Variants in C11orf65 observed in about 807,000 individuals in gnomAD.
C11orf65 encodes protein MFI.
Under a neutral mutation model 35.3 loss-of-function variants are expected in C11orf65, and 38 were observed. The observed-to-expected ratio is 1.08, with a 90% CI of 0.83 to 1.41. The LOEUF (loss-of-function observed/expected upper bound fraction) is 1.41. Among genes scored for constraint, C11orf65 ranks in the 40% most tolerant of loss-of-function variants. The probability of loss-of-function intolerance (pLI) is 0.00; values close to 1 mark genes in which losing one functional copy is unlikely to be tolerated. For synonymous variants in C11orf65, 105 were observed against 114.4 expected (o/e 0.92, Z 0.53); for missense variants, 370 against 367.1 (o/e 1.01, Z -0.06).
intron 6 of C11orf65, among the ~76,000 whole-genome samples, chr11:108,316,801 C>T (rs1341732284): frequency 6.6e-6 from 1 of 150,408 alleles, no homozygotes; most frequent in Non-Finnish European, 1.5e-5. Context: ...TGGCGGGTGC[C>T]TGTAGGCCCA....
At chr11:108,393,760 A>C (rs1459014652) in intron 6 of C11orf65, among the ~76,000 whole-genome samples, 1 of 152,240 alleles carries the variant, frequency 6.6e-6, no homozygotes, top group South Asian at 2.1e-4. Flanking sequence ...TTACAAAATC[A>C]AGAGGCTAAT....
At position 108,326,152 on chromosome 11, in the gene C11orf65, C is replaced by CA. The variant is rs773570504; in HGVS notation, c.641-17082dup. Reference sequence around the variant, plus strand: ...CTGGAAGAAGCACAAGTATTCTGGGCAAAAAAGGAGCAGAGTCTTGCCCTG... The same window carrying CA: ...CTGGAAGAAGCACAAGTATTCTGGGCAAAAAAAGGAGCAGAGTCTTGCCCTG... On this transcript the variant is annotated intron_variant, in intron 6 of 6. Coordinates refer to the C11orf65 transcript ENST00000525729. The CA allele has an allele frequency of 9.3e-6, 15 of 1,613,600 alleles. No homozygotes were observed. The highest frequency in any genetic ancestry group is 1.7e-6 in the Non-Finnish European group (2 of 1,179,910).
chr11:108,453,172 A>T (rs1239365632), intron 2 of C11orf65, among the ~76,000 whole-genome samples: 2 of 151,422 alleles, frequency 1.3e-5, no homozygotes, highest in African/African-American at 4.8e-5. Context: ...AAAGAAAAAA[A>T]AAAGAAAGGG....
At chr11:108,420,923 A>C (rs1289407936) in intron 3 of C11orf65, among the ~76,000 whole-genome samples, 1 of 152,072 alleles carries the variant, frequency 6.6e-6, no homozygotes, top group Non-Finnish European at 1.5e-5. Context: ...CCAAAATTCC[A>C]ATAGACTTTA....
chr11:108,382,062 T>C (rs1176034259), downstream of C11orf65, among the ~76,000 whole-genome samples: 1 of 152,160 alleles, frequency 6.6e-6, no homozygotes, highest in Non-Finnish European at 1.5e-5. Flanking sequence ...AAGTGTACCA[T>C]CTTGGAGGCA....
intron 3 of C11orf65, among the ~76,000 whole-genome samples, chr11:108,425,772 A>G (rs987359645): frequency 2.0e-5 from 3 of 152,218 alleles, no homozygotes; most frequent in Middle Eastern, 6.3e-3. Flanking sequence ...AACCGAATCT[A>G]GCAGCACATC....
Position 108,331,426 on chromosome 11 carries a change from T to C in C11orf65, c.*124A>G, listed in dbSNP as rs1312616858. The C allele has an allele frequency of 6.2e-7, 1 of 1,610,232 alleles. No individual in the cohort carries two copies. The highest frequency in any genetic ancestry group is 1.3e-5 in the African/African-American group (1 of 74,718). ...AAATACCTTGTTTCTTAATTTTGTG[T>C]CTTTTTTTTAATGGTAGAGAGACGG... On this transcript the variant is annotated 3_prime_UTR_variant, in exon 4 of 4. Coordinates refer to the C11orf65 transcript ENST00000524755.
intron 2 of C11orf65, among the ~76,000 whole-genome samples, chr11:108,359,217 A>G (rs1335535825): frequency 1.3e-5 from 2 of 151,728 alleles, no homozygotes; most frequent in Non-Finnish European, 2.9e-5. Context: ...ACATAATGGT[A>G]AAGGGATCAA....
chr11:108,468,755 T>A (rs569168866), upstream of C11orf65, among the ~76,000 whole-genome samples: 58 of 152,220 alleles, frequency 3.8e-4, no homozygotes, highest in Admixed American at 2.5e-3. Context: ...AAAAATATAG[T>A]CATGGAAACA....
In C11orf65 at chr11:108,310,273, A is replaced by T. The variant is rs876660515; in HGVS notation, c.641-1202T>A. The T allele has an allele frequency of 6.2e-7, 1 of 1,613,636 alleles. No individual in the cohort carries two copies. The highest frequency in any genetic ancestry group is 8.5e-7 in the Non-Finnish European group (1 of 1,179,730). On this transcript the variant is annotated intron_variant, in intron 6 of 6. Coordinates refer to the C11orf65 transcript ENST00000525729. ...CACTTTACAGCTTTACTCTATGCAG[A>T]AATCTATGCAGATAAGAAAAGTATG...
At chr11:108,359,088 AGGAT>A (rs1179908337) in intron 2 of C11orf65, among the ~76,000 whole-genome samples, 3 of 148,982 alleles carry the variant, frequency 2.0e-5, no homozygotes, top group Non-Finnish European at 4.5e-5. Flanking sequence ...TCAAAATAAA[AGGAT>A]GGAGGAAGAT....
chr11:108,396,858 TAAATA>T (rs1168477965), intron 6 of C11orf65, among the ~76,000 whole-genome samples: 1 of 144,950 alleles, frequency 6.9e-6, no homozygotes, highest in African/African-American at 2.5e-5. Context: ...AATAAATAAA[TAAATA>T]AATAAATAAA....
At chr11:108,365,278 C>G (rs2137896771) in intron 2 of C11orf65, 1 of 1,614,052 alleles carries the variant, frequency 6.2e-7, no homozygotes. Context: ...ATTCCCAAGG[C>G]CTTTAAACTG....
chr11:108,381,186 T>A (rs1464814902), downstream of C11orf65, among the ~76,000 whole-genome samples: 1 of 152,174 alleles, frequency 6.6e-6, no homozygotes, highest in Non-Finnish European at 1.5e-5. Context: ...TTATGACATA[T>A]GGGTCCAAGA....
chr11:108,336,842 T>A (rs1039145416), intron 2 of C11orf65, among the ~76,000 whole-genome samples: 1 of 152,222 alleles, frequency 6.6e-6, no homozygotes, highest in African/African-American at 2.4e-5. Flanking sequence ...CTTTGACTCT[T>A]ATATTAATTA....
chr11:108,445,419 C>T (rs189362462), intron 2 of C11orf65, among the ~76,000 whole-genome samples: 1 of 152,136 alleles, frequency 6.6e-6, no homozygotes, highest in Non-Finnish European at 1.5e-5. Flanking sequence ...TCCAGAGGAA[C>T]GATCAGGCAG....
intron 1 of C11orf65, among the ~76,000 whole-genome samples, chr11:108,466,920 A>G (rs889639578): frequency 3.9e-5 from 6 of 152,302 alleles, no homozygotes; most frequent in South Asian, 2.1e-4. Context: ...CGTGGCCTTT[A>G]TAAGTTTCGT....
chr11:108,319,518 A>G (rs1178597003), intron 6 of C11orf65, among the ~76,000 whole-genome samples: 1 of 152,198 alleles, frequency 6.6e-6, no homozygotes, highest in Admixed American at 6.5e-5. Flanking sequence ...ATTCTATAAT[A>G]GCCATCTAGC....
chr11:108,425,843 A>G (rs528825988), intron 3 of C11orf65, among the ~76,000 whole-genome samples: 1 of 152,364 alleles, frequency 6.6e-6, no homozygotes, highest in South Asian at 2.1e-4. Flanking sequence ...CTAGTTCAAC[A>G]TACACAAATC....
Sources: gnomAD v4.1 joint callset for allele counts (sites outside exome capture counted in the v4.1 genomes callset) on GRCh38, gnomAD v4.1.1 for gene constraint, MANE v1.5 for transcripts, NCBI Gene and HGNC (gene_info 2026-07-23, HGNC 2026-07-21) for gene names.